The following NPFFR2 variants were observed in gnomAD, a reference collection of about 807,000 sequenced individuals.
NPFFR2 encodes G-protein coupled receptor 74.
A neutral mutation model predicts 13.1 loss-of-function variants in NPFFR2; 15 were observed. That is an observed-to-expected ratio of 1.15 (90% CI 0.77 to 1.76). The LOEUF is 1.76. Ranked by LOEUF, NPFFR2 falls within the 40% of genes most tolerant of loss-of-function variation. The pLI is 0.00. For synonymous variants in NPFFR2, 190 were observed against 175.7 expected (o/e 1.08, Z -0.65); for missense variants, 572 against 503.5 (o/e 1.14, Z -1.30).
At chr4:72,051,362 A>G (rs1719573858) in intron 1 of NPFFR2, among the ~76,000 whole-genome samples, 1 of 152,148 alleles carries the variant, frequency 6.6e-6, no homozygotes, top group South Asian at 2.1e-4. Context: ...GCTCAACTAC[A>G]TGGAAACTGA....
intron 1 of NPFFR2, among the ~76,000 whole-genome samples, chr4:72,097,369 CA>C (rs1721102924): frequency 6.6e-6 from 1 of 151,976 alleles, no homozygotes; most frequent in Non-Finnish European, 1.5e-5. Context: ...TTTCTTTATT[CA>C]GGCTTTTATA....
At chr4:72,059,023 CT>C (rs1284068775) in intron 1 of NPFFR2, among the ~76,000 whole-genome samples, 3 of 152,044 alleles carry the variant, frequency 2.0e-5, no homozygotes, top group African/African-American at 7.2e-5. Context: ...CTCTCTTTCC[CT>C]TTGGAGGGAA....
chr4:72,119,626 G>A (rs1322120416), intron 1 of NPFFR2, among the ~76,000 whole-genome samples: 1 of 152,188 alleles, frequency 6.6e-6, no homozygotes, highest in African/African-American at 2.4e-5. Flanking sequence ...AGCCCACGGA[G>A]GGTGAGCTGA....
At chr4:72,103,711 A>G (rs765260925) in intron 1 of NPFFR2, among the ~76,000 whole-genome samples, 2 of 152,130 alleles carry the variant, frequency 1.3e-5, no homozygotes, top group Non-Finnish European at 2.9e-5. Context: ...TAAATTAGTT[A>G]TGCCATATCA....
chr4:72,104,082 A>G (rs1372060542), intron 1 of NPFFR2, among the ~76,000 whole-genome samples: 1 of 152,096 alleles, frequency 6.6e-6, no homozygotes, highest in African/African-American at 2.4e-5. Flanking sequence ...TGAAAAACAT[A>G]TGGAGGCAAA....
intron 3 of NPFFR2, among the ~76,000 whole-genome samples, chr4:72,140,958 C>A (rs1722596952): frequency 6.6e-6 from 1 of 152,026 alleles, no homozygotes; most frequent in Non-Finnish European, 1.5e-5. Context: ...TTGGTCTGTT[C>A]AGAGATTCAA....
Position 72,138,113 on chromosome 4 carries a change from T to G in NPFFR2, c.402T>G (p.Phe134Leu), listed in dbSNP as rs1251220965. Residue 134 changes from phenylalanine to leucine, a missense_variant, in exon 3 of 4, where the codon TTT (phenylalanine) becomes TTG (leucine). Transcript: ENST00000308744. ...VQGISVAASV[F>L]TLVAIAVDRF... is the part of the protein sequence containing the mutation. ...GAATATCTGTCGCAGCTTCAGTCTT[T>G]ACGTTAGTTGCAATTGCTGTAGATA... The G allele has an allele frequency of 6.2e-7, 1 of 1,613,620 alleles. No homozygotes were observed. The highest frequency in any genetic ancestry group is 1.7e-5 in the Admixed American group (1 of 59,938).
intron 1 of NPFFR2, among the ~76,000 whole-genome samples, chr4:72,074,427 C>T (rs565111197): frequency 2.2e-4 from 33 of 152,014 alleles, no homozygotes; most frequent in Non-Finnish European, 2.6e-4. Flanking sequence ...ATTTTTATTA[C>T]AGTAGATAGC....
intron 1 of NPFFR2, among the ~76,000 whole-genome samples, chr4:72,066,498 T>G (rs1720076103): frequency 6.6e-6 from 1 of 152,168 alleles, no homozygotes; most frequent in African/African-American, 2.4e-5. Flanking sequence ...CATTTAAATA[T>G]TTCTCAATCA....
At chr4:72,041,300 T>C (rs1369055237) in intron 1 of NPFFR2, among the ~76,000 whole-genome samples, 1 of 152,236 alleles carries the variant, frequency 6.6e-6, no homozygotes, top group Non-Finnish European at 1.5e-5. Context: ...CCTCCAGCCG[T>C]ATCCATGTTG....
At chr4:72,040,745 A>G (rs1373394786) in intron 1 of NPFFR2, among the ~76,000 whole-genome samples, 1 of 151,912 alleles carries the variant, frequency 6.6e-6, no homozygotes, top group Non-Finnish European at 1.5e-5. Context: ...TGATATGTTA[A>G]TTTGGGGAGA....
rs1431688613 is a variant in NPFFR2, at chr4:72,112,528, T to A, written c.-7-16057T>A. Among the ~76,000 whole-genome samples the A allele has an allele frequency of 3.9e-5, 6 of 152,016 alleles. No homozygotes were observed. The East Asian group carries it at 9.7e-4, about 24-fold the overall frequency. On this transcript the variant is annotated intron_variant, in intron 1 of 3. Transcript: ENST00000308744. ...AATATTCCCTTGGTTTCCCATTACA[T>A]AAGGAGAACAGGAGACAGAAGCTCT...
In NPFFR2 at chr4:72,032,031, T is replaced by C. The variant is rs1332815488; in HGVS notation, c.-177T>C. 4 of 1,613,802 alleles carry C rather than the reference T, an allele frequency of 2.5e-6. No homozygotes were observed. Among genetic ancestry groups the C allele is most frequent in the Non-Finnish European group, 3.4e-6 (4 of 1,179,982 alleles). ...CGTCCAGCAGCGCGGCGGGCCAGCC[T>C]GGAGCGGAAGCCTGGAGTGGAGCAG... On this transcript the variant is annotated 5_prime_UTR_variant, in exon 1 of 4. Transcript: ENST00000308744.
intron 1 of NPFFR2, among the ~76,000 whole-genome samples, chr4:72,088,725 G>T (rs1720835262): frequency 6.6e-6 from 1 of 151,854 alleles, no homozygotes; most frequent in Non-Finnish European, 1.5e-5. Context: ...AAAACCATCA[G>T]ATTTCCCAAG....
At chr4:72,077,838 C>T (rs779231332) in intron 1 of NPFFR2, among the ~76,000 whole-genome samples, 20 of 151,960 alleles carry the variant, frequency 1.3e-4, no homozygotes, top group Non-Finnish European at 5.9e-5. Context: ...CAGCATGAAG[C>T]GACGTGTTTT....
intron 1 of NPFFR2, among the ~76,000 whole-genome samples, chr4:72,119,755 T>C (rs1721813680): frequency 6.6e-6 from 1 of 152,220 alleles, no homozygotes; most frequent in South Asian, 2.1e-4. Flanking sequence ...GCCCAAATAC[T>C]ACACTTTTCC....
intron 1 of NPFFR2, among the ~76,000 whole-genome samples, chr4:72,104,189 AC>A (rs1232904585): frequency 6.6e-6 from 1 of 152,112 alleles, no homozygotes; most frequent in East Asian, 1.9e-4. Flanking sequence ...AGATGAAAGA[AC>A]ATTCTTTCAC....
At chr4:72,060,922 A>G (rs1560398579) in intron 1 of NPFFR2, among the ~76,000 whole-genome samples, 3 of 152,132 alleles carry the variant, frequency 2.0e-5, no homozygotes, top group African/African-American at 7.2e-5. Context: ...CAAATATCAC[A>G]TTTTTCACTG....
At chr4:72,108,653 A>G (rs138817794) in intron 1 of NPFFR2, among the ~76,000 whole-genome samples, 12 of 152,142 alleles carry the variant, frequency 7.9e-5, no homozygotes, top group East Asian at 1.9e-4. Flanking sequence ...ATTTTTATGC[A>G]TATTATATTT....
Sources: gnomAD v4.1 joint callset for allele counts (sites outside exome capture counted in the v4.1 genomes callset) on GRCh38, gnomAD v4.1.1 for gene constraint, MANE v1.5 for transcripts, NCBI Gene and HGNC (gene_info 2026-07-23, HGNC 2026-07-21) for gene names.